MYO3B: variants seen among roughly 807,000 people sequenced by gnomAD.
MYO3B encodes the protein myosin-IIIb.
A neutral mutation model predicts 174.6 loss-of-function variants in MYO3B; 156 were observed. The ratio of observed to expected loss-of-function variants is 0.89; its 90% CI spans 0.78 to 1.02. MYO3B has a LOEUF of 1.02. Among genes scored for constraint, MYO3B ranks in the 50% least tolerant of loss-of-function variants. The pLI is 0.00. For missense variants in MYO3B, 1,632 were observed against 1,639.4 expected, an observed-to-expected ratio of 1.00 and a Z score of 0.08; for synonymous variants, 563 against 569.1, an observed-to-expected ratio of 0.99 and a Z score of 0.15.
chr2:170,601,899 G>A (rs1182709316), intron 32 of MYO3B: 17 of 840,110 alleles, frequency 2.0e-5, no homozygotes, highest in Non-Finnish European at 3.0e-5. Flanking sequence ...TGATTTTTGG[G>A]CAATACTCAG....
chr2:170,258,529 C>A (rs2093322014), intron 7 of MYO3B, among the ~76,000 whole-genome samples: 1 of 151,886 alleles, frequency 6.6e-6, no homozygotes, highest in South Asian at 2.1e-4. Flanking sequence ...AGACAAAAAT[C>A]CTCAAAAAAC....
rs572029368 is a variant in MYO3B at position 170,632,335 on chromosome 2, C to T, written c.3734-19293C>T. 1.6e-4 allele frequency among the ~76,000 whole-genome samples: 25 copies of T among 152,168 alleles called. No individual in the cohort carries two copies. The South Asian group carries it at 3.8e-3, about 23-fold the overall frequency. ...CAGGATTAAGAAACTCACTCAAAAC[C>T]GCTCAACTACATGGAAACTGAACAA... On this transcript the variant is annotated intron_variant, in intron 32 of 34. Transcript: ENST00000408978.
intron 30 of MYO3B, among the ~76,000 whole-genome samples, chr2:170,523,386 C>T (rs1272579694): frequency 6.6e-6 from 1 of 151,736 alleles, no homozygotes; most frequent in Non-Finnish European, 1.5e-5. Context: ...CTGTTGTCCC[C>T]CTTATGTTTG....
chr2:170,238,341 C>CCTGT (rs375603766), intron 7 of MYO3B, among the ~76,000 whole-genome samples: 10 of 152,078 alleles, frequency 6.6e-5, no homozygotes, highest in Non-Finnish European at 1.5e-4. Flanking sequence ...CAGTTCAGTG[C>CCTGT]CTGTCTGTCT....
chr2:170,178,373 G>A (rs1169367265), intron 1 of MYO3B, 84 bp downstream of exon 1: 21 of 1,541,508 alleles, frequency 1.4e-5, no homozygotes, highest in Non-Finnish European at 1.8e-5. Flanking sequence ...CAGCTGCCCT[G>A]GCTGGTGGGC....
In MYO3B at chr2:170,466,665, C is replaced by T. The variant is rs34236931; in HGVS notation, c.2968C>T (p.Arg990Cys). The change falls in exon 25 of 35, where the codon CGC becomes TGC. Residue 990 changes from arginine (R) to cysteine (C), a missense_variant. Coordinates refer to ENST00000408978, the MANE Select transcript of MYO3B (RefSeq NM_138995.5). ...GATTCTGGAGACAGTCAGCATCCGC[C>T]GCCAGGGCTATTCCCACCGCATCCT... ...TGILETVSIR[R>C]QGYSHRILFE... 4,845 of 1,614,200 alleles carry T rather than the reference C, an allele frequency of 3.0e-3. 16 individuals carry two copies. The highest frequency in any genetic ancestry group is 3.7e-3 in the Non-Finnish European group (4,392 of 1,180,042).
intron 7 of MYO3B, among the ~76,000 whole-genome samples, chr2:170,246,863 G>C (rs1049661341): frequency 1.4e-4 from 21 of 152,114 alleles, no homozygotes; most frequent in Admixed American, 1.3e-3. Flanking sequence ...ACAATGCGGG[G>C]AGGGAGGGAG....
At chr2:170,432,152 T>A (rs1027315800) in intron 22 of MYO3B, among the ~76,000 whole-genome samples, 1 of 151,858 alleles carries the variant, frequency 6.6e-6, no homozygotes, top group Non-Finnish European at 1.5e-5. Context: ...TCCTACTTAT[T>A]TTTTTTTAAG....
intron 32 of MYO3B, among the ~76,000 whole-genome samples, chr2:170,608,135 G>A (rs966926613): frequency 5.9e-5 from 9 of 152,176 alleles, no homozygotes; most frequent in Non-Finnish European, 7.3e-5. Context: ...AGTTACAGGC[G>A]AGGCGGAGGT....
intron 6 of MYO3B, among the ~76,000 whole-genome samples, chr2:170,227,158 G>T (rs2092960374): frequency 6.6e-6 from 1 of 152,236 alleles, no homozygotes; most frequent in Non-Finnish European, 1.5e-5. Flanking sequence ...GCAAATGGGG[G>T]AGAGCAGTCA....
intron 32 of MYO3B, among the ~76,000 whole-genome samples, chr2:170,582,026 A>C (rs980777636): frequency 6.6e-6 from 1 of 152,178 alleles, no homozygotes; most frequent in South Asian, 2.1e-4. Context: ...CAACAGTTGT[A>C]AGGCAGTTGT....
chr2:170,317,276 A>G (rs1302087740), intron 7 of MYO3B, among the ~76,000 whole-genome samples: 1 of 142,640 alleles, frequency 7.0e-6, no homozygotes, highest in Admixed American at 7.1e-5. Flanking sequence ...TTGGAAAAGT[A>G]TCTCACATCT....
chr2:170,199,838 T>C (rs2092641770), intron 2 of MYO3B, among the ~76,000 whole-genome samples: 1 of 152,182 alleles, frequency 6.6e-6, no homozygotes, highest in Non-Finnish European at 1.5e-5. Flanking sequence ...CATAACTGCT[T>C]TGAAAATTCA....
At chr2:170,333,481 G>A (rs1407790635) in intron 7 of MYO3B, among the ~76,000 whole-genome samples, 1 of 152,116 alleles carries the variant, frequency 6.6e-6, no homozygotes. Flanking sequence ...GATATGAAGG[G>A]TAACTAAATT....
chr2:170,274,656 G>T (rs1263345934), intron 7 of MYO3B, among the ~76,000 whole-genome samples: 1 of 152,092 alleles, frequency 6.6e-6, no homozygotes, highest in Non-Finnish European at 1.5e-5. Flanking sequence ...TGGAGTGATG[G>T]AAATGTTCTA....
chr2:170,490,780 G>T (rs561290350), intron 25 of MYO3B, among the ~76,000 whole-genome samples: 2 of 152,082 alleles, frequency 1.3e-5, no homozygotes, highest in South Asian at 4.1e-4. Context: ...GTTGGATTTT[G>T]TCAAATGCTT....
At chr2:170,294,361 AT>A in intron 7 of MYO3B, among the ~76,000 whole-genome samples, 1 of 151,080 alleles carries the variant, frequency 6.6e-6, no homozygotes, top group South Asian at 2.1e-4. Context: ...ACTAATTTGG[AT>A]ATATTTATTT....
chr2:170,430,824 G>C (rs1558993876), intron 22 of MYO3B, among the ~76,000 whole-genome samples: 1 of 152,162 alleles, frequency 6.6e-6, no homozygotes, highest in Non-Finnish European at 1.5e-5. Context: ...ATATGGAGGA[G>C]GTGTGTACTG....
At chr2:170,185,472 C>G (rs1188082866) in intron 1 of MYO3B, among the ~76,000 whole-genome samples, 1 of 152,124 alleles carries the variant, frequency 6.6e-6, no homozygotes, top group Non-Finnish European at 1.5e-5. Flanking sequence ...TGATTTGTTT[C>G]TGTGTTCTCT....
Sources: allele counts gnomAD v4.1 joint callset (sites outside exome capture counted in the v4.1 genomes callset), GRCh38; gene constraint gnomAD v4.1.1; transcripts MANE v1.5; gene names NCBI Gene and HGNC (gene_info 2026-07-23, HGNC 2026-07-21).